Variants in PCDHGA11 observed in about 807,000 individuals in gnomAD.
PCDHGA11 encodes protocadherin gamma-A11.
Under a neutral mutation model 60.4 loss-of-function variants are expected in PCDHGA11, and 39 were observed. That is an observed-to-expected ratio of 0.65 (90% CI 0.50 to 0.84). PCDHGA11 has a LOEUF of 0.84. PCDHGA11 is among the 40% of genes least tolerant of loss of function. The pLI is 0.00. For missense variants in PCDHGA11, 1,165 were observed against 1,197.7 expected (o/e 0.97, Z 0.40); for synonymous variants, 533 against 510.3 (o/e 1.04, Z -0.60).
chr5:141,501,290 T>TACACATAC (rs1224133816), intron 2 of PCDHGA11, among the ~76,000 whole-genome samples: 1,510 of 136,196 alleles, frequency 0.011, 8 homozygotes, highest in Admixed American at 0.014. Flanking sequence ...TATTCCCTTA[T>TACACATAC]ACACACACAC....
chr5:141,491,542 G>T lies in PCDHGA11; in HGVS notation c.2434-3265G>T, dbSNP rs112433306. The T allele has an allele frequency of 6.2e-7, 1 of 1,613,898 alleles. No homozygotes were observed. Among genetic ancestry groups the T allele is most frequent in the Admixed American group, 1.7e-5 (1 of 60,006 alleles). On this transcript the variant is annotated intron_variant, in intron 1 of 3. Transcript: ENST00000398587. This position sits in a 1 kb window ranked among gnomAD's most constrained non-coding sequence, Gnocchi z 6.9. ...CATGGAGGTGACGCTGCGGCCCACA[G>T]ACTCGCAGAGCCACTGCTACAGGAC...
intron 1 of PCDHGA11, among the ~76,000 whole-genome samples, chr5:141,481,749 C>T (rs958851030): frequency 6.6e-6 from 1 of 151,976 alleles, no homozygotes; most frequent in Non-Finnish European, 1.5e-5. Context: ...GTCAGGAGTC[C>T]AAGACCAGCC....
chr5:141,431,416 C>G lies in PCDHGA11; in HGVS notation c.2433+7756C>G, dbSNP rs778722151. 3 of 1,613,596 alleles carry G rather than the reference C, an allele frequency of 1.9e-6. No homozygotes were observed. The highest frequency in any genetic ancestry group is 2.7e-5 in the African/African-American group (2 of 74,954). On this transcript the variant is annotated intron_variant, in intron 1 of 3. Coordinates refer to ENST00000398587, the MANE Select transcript of PCDHGA11 (RefSeq NM_018914.3). The surrounding 1 kb of genome is among the most constrained non-coding windows in gnomAD (Gnocchi z 4.8). ...TCCTTACGGCCTCCGACGGGGGCGA[C>G]CCGGTGCGCACAGGCACCGCGCGCA...
Position 141,511,225 on chromosome 5 carries a change from C to A in PCDHGA11, c.*52C>A. ...GGCGGCCTCTCCCCAACCAGCCCAG[C>A]TTCTCCTTACCTGCACCCAGGCCTC... On this transcript the variant is annotated 3_prime_UTR_variant, in exon 4 of 4. Transcript: ENST00000398587. The A allele has an allele frequency of 6.2e-7, 1 of 1,601,624 alleles. No individual in the cohort carries two copies. Among genetic ancestry groups the A allele is most frequent in the Non-Finnish European group, 8.5e-7 (1 of 1,174,162 alleles).
intron 1 of PCDHGA11, among the ~76,000 whole-genome samples, chr5:141,492,474 G>T (rs2099741007): frequency 6.6e-6 from 1 of 152,218 alleles, no homozygotes; most frequent in African/African-American, 2.4e-5. Context: ...CCCAGATCGC[G>T]GCCGCCCAGG....
chr5:141,490,715 C>G lies in PCDHGA11; in HGVS notation c.2434-4092C>G, dbSNP rs757619272. The stretch of plus-strand genomic sequence containing the variant: ...GGGGATAATGCCCGCCTCACCTACT[C>G]CATTGTAGGAAATCAGGTTCAGGGA... On this transcript the variant is annotated intron_variant, in intron 1 of 3. Coordinates refer to ENST00000398587, the MANE Select transcript of PCDHGA11 (RefSeq NM_018914.3). This position sits in a 1 kb window ranked among gnomAD's most constrained non-coding sequence, Gnocchi z 5.4. 14 of 1,614,130 alleles carry G rather than the reference C, an allele frequency of 8.7e-6. No individual in the cohort carries two copies. Among genetic ancestry groups the G allele is most frequent in the Non-Finnish European group, 1.1e-5 (13 of 1,179,978 alleles).
chr5:141,478,179 A>C, intron 1 of PCDHGA11: 1 of 1,613,996 alleles, frequency 6.2e-7, no homozygotes, highest in Non-Finnish European at 8.5e-7. Context: ...GAGCAGAAAA[A>C]AAATCTCACC....
intron 1 of PCDHGA11, among the ~76,000 whole-genome samples, chr5:141,475,231 G>A (rs1188161872): frequency 6.6e-6 from 1 of 152,190 alleles, no homozygotes; most frequent in Admixed American, 6.5e-5. Flanking sequence ...AAAGGGAAAC[G>A]ATAGAGAGAG....
At chr5:141,478,039 G>A (rs764777183) in intron 1 of PCDHGA11, 29 of 1,613,978 alleles carry the variant, frequency 1.8e-5, no homozygotes, top group Non-Finnish European at 2.5e-5. Flanking sequence ...ATTCACCCAG[G>A]CAGACTCTCA....
intron 1 of PCDHGA11, among the ~76,000 whole-genome samples, chr5:141,472,224 A>G (rs570743680): frequency 1.4e-4 from 21 of 152,330 alleles, no homozygotes; most frequent in African/African-American, 4.1e-4. Context: ...TCTCGATCAT[A>G]TAATACATTC....
Position 141,487,540 on chromosome 5 carries a change from G to T in PCDHGA11, c.2434-7267G>T, listed in dbSNP as rs1319372340. The T allele has an allele frequency of 1.2e-6, 2 of 1,614,208 alleles. No homozygotes were observed. Among genetic ancestry groups the T allele is most frequent in the Admixed American group, 3.3e-5 (2 of 60,034 alleles). ...GGAGTGATAGCTTCATGATGGTGAA[G>T]TCACCCAGTGCACCTATGGCAGGGG... is the stretch of plus-strand genomic sequence containing the variant. On this transcript the variant is annotated intron_variant, in intron 1 of 3. Transcript: ENST00000398587. This position sits in a 1 kb window ranked among gnomAD's most constrained non-coding sequence, Gnocchi z 5.0.
intron 1 of PCDHGA11, among the ~76,000 whole-genome samples, chr5:141,434,192 A>G (rs2097676888): frequency 6.6e-6 from 1 of 152,194 alleles, no homozygotes; most frequent in Non-Finnish European, 1.5e-5. Context: ...TGTAATTCCA[A>G]TGTACTTACT....
chr5:141,432,172 C>T lies in PCDHGA11; in HGVS notation c.2433+8512C>T, dbSNP rs562175068. ...AGAACAATCCCAGAGGAGTTTCCCT[C>T]GTCTCTGTGACCGCCCACGACCCCG... On this transcript the variant is annotated intron_variant, in intron 1 of 3. Coordinates refer to ENST00000398587, the MANE Select transcript of PCDHGA11 (RefSeq NM_018914.3). This position sits in a 1 kb window ranked among gnomAD's most constrained non-coding sequence, Gnocchi z 6.0. 22 of 1,614,152 alleles carry T rather than the reference C, an allele frequency of 1.4e-5. No individual in the cohort carries two copies. In the Admixed American group the frequency reaches 3.5e-4, roughly 26 times the overall value.
At chr5:141,434,136 TC>T (rs2097674430) in intron 1 of PCDHGA11, among the ~76,000 whole-genome samples, 1 of 152,246 alleles carries the variant, frequency 6.6e-6, no homozygotes, top group Non-Finnish European at 1.5e-5. Context: ...TAGGCTGATT[TC>T]TATGTCCTTT....
At chr5:141,440,443 T>A (rs979101512) in intron 1 of PCDHGA11, 2 of 152,152 alleles carry the variant, frequency 1.3e-5, no homozygotes, top group Admixed American at 1.3e-4. Flanking sequence ...CAAGGCGCCA[T>A]CTCAAAAAAA....
chr5:141,436,185 A>G (rs1324749623), intron 1 of PCDHGA11, among the ~76,000 whole-genome samples: 1 of 152,142 alleles, frequency 6.6e-6, no homozygotes, highest in Non-Finnish European at 1.5e-5. Flanking sequence ...ATATAGTCAA[A>G]TAGAAAGAAA....
In PCDHGA11 at chr5:141,432,278, A is replaced by G. The variant is rs923930127; in HGVS notation, c.2433+8618A>G. On this transcript the variant is annotated intron_variant, in intron 1 of 3. Transcript: ENST00000398587. The surrounding 1 kb of genome is among the most constrained non-coding windows in gnomAD (Gnocchi z 6.0). ...GGCAAGCCTATCGTCCTACGTGTCC[A>G]TCAACTCCGACACTGGGGTACTGTA... 3.7e-5 allele frequency: 59 copies of G among 1,614,078 alleles called. No individual in the cohort carries two copies. Among genetic ancestry groups the G allele is most frequent in the Non-Finnish European group, 4.7e-5 (55 of 1,180,036 alleles).
rs1342473418 is a variant in PCDHGA11, at chr5:141,477,702, A to G, written c.2434-17105A>G. On this transcript the variant is annotated intron_variant, in intron 1 of 3. Transcript: ENST00000398587. The surrounding 1 kb of genome is among the most constrained non-coding windows in gnomAD (Gnocchi z 4.9). Reference sequence around the variant, plus strand: ...TCCTTAGTGCCCCTAGACTATGAGGATCGGCGGGAATTTGAATTAACAGCT... The same window carrying G: ...TCCTTAGTGCCCCTAGACTATGAGGGTCGGCGGGAATTTGAATTAACAGCT... The G allele has an allele frequency of 1.9e-6, 3 of 1,613,924 alleles. No individual in the cohort carries two copies. Among genetic ancestry groups the G allele is most frequent in the Non-Finnish European group, 2.5e-6 (3 of 1,180,044 alleles).
chr5:141,485,116 G>T lies in PCDHGA11; in HGVS notation c.2434-9691G>T, dbSNP rs904145668. ...TGTCTCCAGCTGCTGTGGCTGTTTGGGGCGGGTCGGCTTCATCCGCGTCTC... is the reference window on the plus strand; with the variant it reads ...TGTCTCCAGCTGCTGTGGCTGTTTGTGGCGGGTCGGCTTCATCCGCGTCTC... On this transcript the variant is annotated intron_variant, in intron 1 of 3. Coordinates refer to ENST00000398587, the MANE Select transcript of PCDHGA11 (RefSeq NM_018914.3). This position sits in a 1 kb window ranked among gnomAD's most constrained non-coding sequence, Gnocchi z 5.7. 3.0e-6 allele frequency: 4 copies of T among 1,312,058 alleles called. No homozygotes were observed. The African/African-American group carries it at 5.8e-5, about 19-fold the overall frequency. 81.3% of individuals were successfully genotyped at this position (1,312,058 alleles called of 1,614,324 possible).
Sources: allele counts gnomAD v4.1 joint callset (sites outside exome capture counted in the v4.1 genomes callset), GRCh38; gene constraint gnomAD v4.1.1; non-coding constraint Gnocchi (gnomAD v3.1); transcripts MANE v1.5; gene names NCBI Gene and HGNC (gene_info 2026-07-23, HGNC 2026-07-21).